The following CDKAL1 variants were observed in gnomAD, a reference collection of about 807,000 sequenced individuals.
CDKAL1 encodes threonylcarbamoyladenosine tRNA methylthiotransferase.
Under a neutral mutation model 68.2 loss-of-function variants are expected in CDKAL1, and 32 were observed. The observed-to-expected ratio is 0.47, with a 90% confidence interval of 0.35 to 0.63. CDKAL1 has a LOEUF of 0.63. Among genes scored for constraint, CDKAL1 ranks in the 30% least tolerant of loss-of-function variants. CDKAL1 has a pLI of 0.00. For synonymous variants in CDKAL1, 234 were observed against 244.3 expected, an observed-to-expected ratio of 0.96 and a Z score of 0.39; for missense variants, 606 against 696.7, an observed-to-expected ratio of 0.87 and a Z score of 1.47.
chr6:20,901,449 C>G (rs1159520430), intron 9 of CDKAL1, among the ~76,000 whole-genome samples: 1 of 151,362 alleles, frequency 6.6e-6, no homozygotes, highest in Admixed American at 6.6e-5. Flanking sequence ...CCGAGGCGGG[C>G]AGATCACAAG....
chr6:21,019,397 G>A (rs1050534957), intron 11 of CDKAL1, among the ~76,000 whole-genome samples: 12 of 152,092 alleles, frequency 7.9e-5, no homozygotes, highest in Admixed American at 5.2e-4. Flanking sequence ...CATTTGTTAC[G>A]ACACTGCAAA....
intron 5 of CDKAL1, among the ~76,000 whole-genome samples, chr6:20,680,180 C>T (rs1770311629): frequency 6.6e-6 from 1 of 152,018 alleles, no homozygotes. Context: ...GTTTCTTGTG[C>T]CTCAGCCTCC....
chr6:20,969,215 G>A (rs1380728976), intron 10 of CDKAL1, among the ~76,000 whole-genome samples: 1 of 152,136 alleles, frequency 6.6e-6, no homozygotes, highest in Non-Finnish European at 1.5e-5. Context: ...ATAGCCTACT[G>A]TTGATAGGAA....
intron 13 of CDKAL1, among the ~76,000 whole-genome samples, chr6:21,195,960 A>T (rs1037960887): frequency 1.3e-5 from 2 of 152,214 alleles, no homozygotes; most frequent in African/African-American, 2.4e-5. Flanking sequence ...TTGGCAAATA[A>T]TAGTTAAATA....
chr6:20,732,456 T>TTTG (rs1772998509), intron 5 of CDKAL1, among the ~76,000 whole-genome samples: 1 of 150,466 alleles, frequency 6.6e-6, no homozygotes, highest in Non-Finnish European at 1.5e-5. Context: ...TTTTTTTTTT[T>TTTG]TGGTATTTTT....
intron 13 of CDKAL1, chr6:21,135,599 A>G (rs1279989759): frequency 1.5e-6 from 1 of 668,962 alleles, no homozygotes; most frequent in Non-Finnish European, 1.8e-6. Flanking sequence ...ACCATATGCT[A>G]GTTGACTACA....
intron 13 of CDKAL1, among the ~76,000 whole-genome samples, chr6:21,158,189 C>CA (rs1713691269): frequency 6.6e-6 from 1 of 152,170 alleles, no homozygotes; most frequent in African/African-American, 2.4e-5. Context: ...TGTTAGTGAA[C>CA]TGGTTTCAAT....
intron 9 of CDKAL1, among the ~76,000 whole-genome samples, chr6:20,892,944 A>G (rs1389995225): frequency 6.6e-6 from 1 of 152,224 alleles, no homozygotes; most frequent in Admixed American, 6.5e-5. Context: ...TCCTAGTGAC[A>G]GGTTCACAAA....
chr6:20,784,613 C>T (rs552811663), intron 8 of CDKAL1, among the ~76,000 whole-genome samples: 121 of 151,080 alleles, frequency 8.0e-4, no homozygotes, highest in South Asian at 3.4e-3. Context: ...TTAGTAAAGA[C>T]GGGGTTTCAC....
intron 11 of CDKAL1, among the ~76,000 whole-genome samples, chr6:21,050,384 G>A (rs1267580743): frequency 6.6e-6 from 1 of 152,178 alleles, no homozygotes; most frequent in Non-Finnish European, 1.5e-5. Context: ...GCTTGTACCT[G>A]TGTTTGGCAG....
At chr6:20,763,225 T>A (rs1774545966) in intron 7 of CDKAL1, among the ~76,000 whole-genome samples, 2 of 152,096 alleles carry the variant, frequency 1.3e-5, no homozygotes, top group African/African-American at 2.4e-5. Flanking sequence ...CCTCCCTGCC[T>A]ATTTTGGGTT....
At chr6:20,590,200 GTTACT>G (rs1210240273) in intron 4 of CDKAL1, among the ~76,000 whole-genome samples, 2 of 151,882 alleles carry the variant, frequency 1.3e-5, no homozygotes, top group East Asian at 1.9e-4. Flanking sequence ...CTGTCCCCAG[GTTACT>G]TTACTTTCAG....
At chr6:21,065,025 A>C (rs1450586383) in intron 11 of CDKAL1, 23 bp from the exon 12 acceptor site, 2 of 1,467,458 alleles carry the variant, frequency 1.4e-6, no homozygotes, top group Non-Finnish European at 1.8e-6. Context: ...AAGTTTTTAC[A>C]TTTTTGTCTT....
intron 9 of CDKAL1, among the ~76,000 whole-genome samples, chr6:20,902,706 G>C (rs1762058148): frequency 6.6e-6 from 1 of 152,144 alleles, no homozygotes; most frequent in Non-Finnish European, 1.5e-5. Context: ...ACAGAGTGTA[G>C]AGTAAAAACA....
chr6:21,208,401 G>C (rs1779022566), intron 15 of CDKAL1, among the ~76,000 whole-genome samples: 1 of 151,778 alleles, frequency 6.6e-6, no homozygotes, highest in African/African-American at 2.4e-5. Context: ...GAAGTGAAAG[G>C]GTCTATTAGT....
intron 13 of CDKAL1, among the ~76,000 whole-genome samples, chr6:21,150,161 C>G (rs1582305567): frequency 6.6e-6 from 1 of 152,064 alleles, no homozygotes; most frequent in East Asian, 1.9e-4. Flanking sequence ...CCTGGCCTGT[C>G]CTGAACGTTT....
At chr6:20,999,915 A>C (rs1016282253) in intron 10 of CDKAL1, among the ~76,000 whole-genome samples, 1 of 152,158 alleles carries the variant, frequency 6.6e-6, no homozygotes, top group Non-Finnish European at 1.5e-5. Flanking sequence ...GTGAAGTAGA[A>C]ATGGTGTTTG....
chr6:20,968,723 C>T (rs1765449697), intron 10 of CDKAL1, among the ~76,000 whole-genome samples: 1 of 151,992 alleles, frequency 6.6e-6, no homozygotes, highest in Non-Finnish European at 1.5e-5. Flanking sequence ...AGTTCTTATA[C>T]ATTCTATATC....
chr6:20,856,079 A>G (rs1581706755), intron 9 of CDKAL1, among the ~76,000 whole-genome samples: 1 of 152,332 alleles, frequency 6.6e-6, no homozygotes, highest in Middle Eastern at 3.4e-3. Context: ...AAACTGATGT[A>G]TTTAATGAAG....
Sources: gnomAD v4.1 joint callset for allele counts (sites outside exome capture counted in the v4.1 genomes callset) on GRCh38, gnomAD v4.1.1 for gene constraint, MANE v1.5 for transcripts, NCBI Gene and HGNC (gene_info 2026-07-23, HGNC 2026-07-21) for gene names.